The following DNAH12 variants were observed in gnomAD, a reference collection of about 807,000 sequenced individuals.
DNAH12 encodes the protein axonemal beta dynein heavy chain 12.
Under a neutral mutation model 371.5 loss-of-function variants are expected in DNAH12, and 285 were observed. The ratio of observed to expected loss-of-function variants is 0.77; its 90% CI spans 0.70 to 0.85. DNAH12 has a LOEUF of 0.85. Among genes scored for constraint, DNAH12 ranks in the 40% least tolerant of loss-of-function variants. The pLI, the probability that DNAH12 is intolerant of heterozygous loss-of-function variation, is 0.00. For synonymous variants in DNAH12, 1,200 were observed against 1,213.0 expected, an observed-to-expected ratio of 0.99 and a Z score of 0.22; for missense variants, 3,611 against 3,689.4, an observed-to-expected ratio of 0.98 and a Z score of 0.55.
chr3:57,492,565 T>C (rs906972636), intron 11 of DNAH12, among the ~76,000 whole-genome samples: 1 of 152,130 alleles, frequency 6.6e-6, no homozygotes, highest in South Asian at 2.1e-4. Flanking sequence ...ACCACAACTA[T>C]AGTATATCAG....
intron 40 of DNAH12, among the ~76,000 whole-genome samples, chr3:57,406,356 C>CAAAAA (rs782271639): frequency 0.25 from 23,830 of 95,048 alleles, 2,554 homozygotes; most frequent in South Asian, 0.44. Context: ...GATTCTGCCT[C>CAAAAA]AAAAAAAAAA....
chr3:57,445,670 GTTT>G (rs112997430), intron 27 of DNAH12, among the ~76,000 whole-genome samples: 2 of 148,080 alleles, frequency 1.4e-5, no homozygotes, highest in African/African-American at 4.9e-5. Flanking sequence ...ATTATGCTGG[GTTT>G]TTTTAATTCA....
chr3:57,371,177 A>AGTAGAT (rs2153336699), intron 55 of DNAH12, among the ~76,000 whole-genome samples: 1 of 152,318 alleles, frequency 6.6e-6, no homozygotes, highest in South Asian at 2.1e-4. Context: ...CAACACACAC[A>AGTAGAT]CTGCAGCTGA....
chr3:57,458,981 A>G (rs1233687522), intron 20 of DNAH12, among the ~76,000 whole-genome samples: 3 of 152,244 alleles, frequency 2.0e-5, no homozygotes, highest in African/African-American at 7.2e-5. Flanking sequence ...GACTCTCAGT[A>G]AGTCCAGCAC....
At position 57,438,918 on chromosome 3, in the gene DNAH12, C is replaced by CGAAAA. The variant is rs562343761; in HGVS notation, c.4546-1859_4546-1858insTTTTC. ...CAACAGAGTGAAACTCTGTCTCAGA[C>CGAAAA]AAAAAAAAAAAAAAGGAAAGCAACT... On this transcript the variant is annotated intron_variant, in intron 29 of 73. Coordinates refer to ENST00000495027, the MANE Select transcript of DNAH12 (RefSeq NM_001366028.2). Among the ~76,000 whole-genome samples the CGAAAA allele has an allele frequency of 6.6e-4, 62 of 94,516 alleles. 5 individuals carry two copies. Among genetic ancestry groups the CGAAAA allele is most frequent in the South Asian group, 3.6e-3 (8 of 2,240 alleles). 62.0% of individuals were successfully genotyped at this position (94,516 alleles called of 152,430 possible).
intron 58 of DNAH12, among the ~76,000 whole-genome samples, chr3:57,358,973 G>A (rs1374328051): frequency 6.6e-6 from 1 of 151,868 alleles, no homozygotes; most frequent in East Asian, 2.0e-4. Flanking sequence ...TAGTAGAGAT[G>A]GGGTTTCACC....
chr3:57,385,792 G>C (rs2063489105), intron 47 of DNAH12, among the ~76,000 whole-genome samples: 1 of 152,142 alleles, frequency 6.6e-6, no homozygotes, highest in Non-Finnish European at 1.5e-5. Flanking sequence ...TGAGACAGGA[G>C]AATTGCTTGA....
intron 4 of DNAH12, among the ~76,000 whole-genome samples, chr3:57,513,158 A>G (rs2068060429): frequency 6.6e-6 from 1 of 151,990 alleles, no homozygotes; most frequent in African/African-American, 2.4e-5. Context: ...AAAATGTGGT[A>G]CATATACACC....
chr3:57,496,504 T>C (rs1316763797), intron 11 of DNAH12, among the ~76,000 whole-genome samples: 1 of 152,136 alleles, frequency 6.6e-6, no homozygotes, highest in African/African-American at 2.4e-5. Context: ...AAACTTGGAA[T>C]AGAAGGGAAT....
At chr3:57,546,821 G>C (rs142333728), upstream of DNAH12, among the ~76,000 whole-genome samples, 1 of 152,168 alleles carries the variant, frequency 6.6e-6, no homozygotes, top group East Asian at 1.9e-4. Flanking sequence ...AGATTATCCT[G>C]GGTGAGCCTG....
chr3:57,301,693 CA>C, intron 70 of DNAH12, 41 bp downstream of exon 70: 1 of 1,082,914 alleles, frequency 9.2e-7, no homozygotes, highest in Non-Finnish European at 1.3e-6. Flanking sequence ...CACACACACA[CA>C]CACACACACA....
chr3:57,439,180 CT>C (rs2065228827), intron 29 of DNAH12, among the ~76,000 whole-genome samples: 1 of 152,052 alleles, frequency 6.6e-6, no homozygotes, highest in South Asian at 2.1e-4. Flanking sequence ...ACCAAGATTA[CT>C]TTTCACAGAA....
chr3:57,537,826 A>AG (rs1307152049), intron 2 of DNAH12, among the ~76,000 whole-genome samples: 1 of 152,106 alleles, frequency 6.6e-6, no homozygotes, highest in African/African-American at 2.4e-5. Flanking sequence ...CTAGGACTAC[A>AG]GGCATGCACT....
intron 62 of DNAH12, among the ~76,000 whole-genome samples, chr3:57,330,913 A>T (rs766445713): frequency 7.9e-5 from 12 of 151,958 alleles, no homozygotes; most frequent in Admixed American, 3.3e-4. Flanking sequence ...CAATCAATCA[A>T]TTCCCCTCCC....
At chr3:57,366,042 TC>T (rs1215074141) in intron 57 of DNAH12, among the ~76,000 whole-genome samples, 1 of 152,042 alleles carries the variant, frequency 6.6e-6, no homozygotes, top group Non-Finnish European at 1.5e-5. Flanking sequence ...TGGATTGCAT[TC>T]CCAAACGGTT....
intron 13 of DNAH12, among the ~76,000 whole-genome samples, chr3:57,481,149 A>G (rs2066729636): frequency 6.6e-6 from 1 of 152,242 alleles, no homozygotes; most frequent in Non-Finnish European, 1.5e-5. Flanking sequence ...TGCAGATGAC[A>G]TGATTGTATA....
chr3:57,431,627 G>A (rs1415585802), intron 32 of DNAH12, among the ~76,000 whole-genome samples: 1 of 152,074 alleles, frequency 6.6e-6, no homozygotes, highest in Non-Finnish European at 1.5e-5. Flanking sequence ...CCATTCTCAT[G>A]TCAATAACTT....
intron 19 of DNAH12, among the ~76,000 whole-genome samples, chr3:57,460,371 G>C (rs1385152405): frequency 6.6e-6 from 1 of 151,980 alleles, no homozygotes; most frequent in Non-Finnish European, 1.5e-5. Context: ...AATGAAATAA[G>C]CCTCCTTATT....
At chr3:57,454,161 T>G (rs2065837097) in intron 23 of DNAH12, among the ~76,000 whole-genome samples, 1 of 151,954 alleles carries the variant, frequency 6.6e-6, no homozygotes, top group South Asian at 2.1e-4. Context: ...GTGAGTGATT[T>G]TGTCTAAGCC....
Sources: gnomAD v4.1 joint callset for allele counts (sites outside exome capture counted in the v4.1 genomes callset) on GRCh38, gnomAD v4.1.1 for gene constraint, MANE v1.5 for transcripts, NCBI Gene and HGNC (gene_info 2026-07-23, HGNC 2026-07-21) for gene names.